PLEKHG4B: variants seen among roughly 807,000 people sequenced by gnomAD.
The protein encoded by PLEKHG4B is pleckstrin homology domain-containing family G member 4B.
In PLEKHG4B, 111 loss-of-function variants were observed where a neutral mutation model predicts 121.3. That is an observed-to-expected ratio of 0.92 (90% CI 0.78 to 1.07). The LOEUF (loss-of-function observed/expected upper bound fraction) is 1.07. Ranked by LOEUF, PLEKHG4B falls within the 50% of genes least tolerant of loss-of-function variation. PLEKHG4B has a pLI of 0.00. For missense variants in PLEKHG4B, 1,831 were observed against 1,757.8 expected, an observed-to-expected ratio of 1.04 and a Z score of -0.74; for synonymous variants, 738 against 725.0, an observed-to-expected ratio of 1.02 and a Z score of -0.29.
intron 7 of PLEKHG4B, among the ~76,000 whole-genome samples, chr5:154,275 A>C (rs978800957): frequency 2.6e-5 from 4 of 152,142 alleles, no homozygotes; most frequent in Admixed American, 2.6e-4. Context: ...AAGTGCTTGG[A>C]TTACAGGCAT....
chr5:174,128 A>G, intron 18 of PLEKHG4B, 30 bp downstream of exon 18: 3 of 1,412,106 alleles, frequency 2.1e-6, no homozygotes, highest in Non-Finnish European at 2.8e-6. Context: ...AGGGCCTGCC[A>G]GGCTCAGGGG....
chr5:135,301 A>G (rs1442104598), intron 2 of PLEKHG4B, among the ~76,000 whole-genome samples: 1 of 152,050 alleles, frequency 6.6e-6, no homozygotes, highest in African/African-American at 2.4e-5. Context: ...AATACAAAGC[A>G]TTGCTGAAAG....
At position 140,305 on chromosome 5, in the gene PLEKHG4B, T is replaced by C; in HGVS notation, c.1066T>C (p.Tyr356His). 3 of 1,495,186 alleles carry C rather than the reference T, an allele frequency of 2.0e-6. No homozygotes were observed. The highest frequency in any genetic ancestry group is 1.4e-5 in the South Asian group (1 of 73,250). The allele number at this position is 1,495,186 out of a possible 1,614,324, so 92.6% of individuals were successfully genotyped here. A position where few individuals can be genotyped will look rare whatever the true frequency, so the allele number is the denominator to read the frequency against. Residue 356 changes from tyrosine to histidine, a missense_variant, in exon 3 of 20, where the codon TAC becomes CAC. Coordinates refer to ENST00000637938, the MANE Select transcript of PLEKHG4B (RefSeq NM_052909.5). ...GCCTAGACGCTGGTTCAGGGAGTCG[T>C]ACATGGAAGCCTTGCGGAACCCCAT... ...VQPRRWFRES[Y>H]MEALRNPMPL...
At chr5:151,026 T>A (rs1163049374) in intron 6 of PLEKHG4B, among the ~76,000 whole-genome samples, 3 of 152,200 alleles carry the variant, frequency 2.0e-5, no homozygotes, top group Admixed American at 1.3e-4. Context: ...AAACCGTTGA[T>A]CTCCACAACA....
At chr5:114,764 G>A (rs569017813) in intron 2 of PLEKHG4B, among the ~76,000 whole-genome samples, 4 of 152,266 alleles carry the variant, frequency 2.6e-5, no homozygotes, top group East Asian at 1.9e-4. Flanking sequence ...TCCATAAGAA[G>A]CAATTCCTCA....
In PLEKHG4B at chr5:113,083, T is replaced by C. The variant is rs1734204767; in HGVS notation, c.46-168T>C. The stretch of plus-strand genomic sequence containing the variant: ...AAGGAGAACCACCAGGAGCTCGCCC[T>C]GCACCATGGATTCGCCTGCACATTT... On this transcript the variant is annotated intron_variant, in intron 1 of 19. Coordinates refer to ENST00000637938, the MANE Select transcript of PLEKHG4B (RefSeq NM_052909.5). The surrounding 1 kb of genome is among the most constrained non-coding windows in gnomAD (Gnocchi z 5.2). Among the ~76,000 whole-genome samples, 1 of 152,192 alleles carries C rather than the reference T, an allele frequency of 6.6e-6. No homozygotes were observed. Among genetic ancestry groups the C allele is most frequent in the African/African-American group, 2.4e-5 (1 of 41,450 alleles).
chr5:133,900 A>G (rs1734848408), intron 2 of PLEKHG4B, among the ~76,000 whole-genome samples: 1 of 146,456 alleles, frequency 6.8e-6, no homozygotes, highest in African/African-American at 2.7e-5. Flanking sequence ...AATCGAGTGG[A>G]TAAAGAAAAT....
Position 181,503 on chromosome 5 carries a change from TTCTG to T in PLEKHG4B, c.4403-7_4403-4del. On this transcript the variant is annotated splice_region_variant and splice_polypyrimidine_tract_variant and intron_variant, in intron 18 of 19. Transcript: ENST00000637938. ...TTGCTTTGGAAACTGTCATACTTTC[TTCTG>T]TCTTAGAACTCAGAATCCAAGAAAT... 6.2e-7 allele frequency: 1 copy of T among 1,611,588 alleles called. No homozygotes were observed. Among genetic ancestry groups the T allele is most frequent in the Non-Finnish European group, 8.5e-7 (1 of 1,178,660 alleles).
intron 6 of PLEKHG4B, among the ~76,000 whole-genome samples, chr5:146,050 C>T (rs1735398030): frequency 6.6e-6 from 1 of 151,572 alleles, no homozygotes; most frequent in African/African-American, 2.4e-5. Flanking sequence ...GGTCCTCCCT[C>T]CTCTCCCCCT....
chr5:171,189 T>C, intron 15 of PLEKHG4B, 25 bp from the exon 16 acceptor site: 1 of 1,604,130 alleles, frequency 6.2e-7, no homozygotes, highest in Non-Finnish European at 8.5e-7. Context: ...AGGCCGGAGC[T>C]GACCCTCTCA....
intron 2 of PLEKHG4B, among the ~76,000 whole-genome samples, chr5:115,049 T>A (rs1311953671): frequency 6.6e-6 from 1 of 152,240 alleles, no homozygotes; most frequent in Non-Finnish European, 1.5e-5. Context: ...TTTGCTGAGA[T>A]CCATCAGAGG....
At chr5:181,818 G>T in intron 19 of PLEKHG4B, 143 bp downstream of exon 19, 1 of 1,332,188 alleles carries the variant, frequency 7.5e-7, no homozygotes, top group Non-Finnish European at 1.0e-6. Flanking sequence ...GGGTACGGTG[G>T]CCTCGGCCCC....
intron 18 of PLEKHG4B, among the ~76,000 whole-genome samples, chr5:174,659 A>G (rs114689935): frequency 0.01 from 1,541 of 152,216 alleles, 24 homozygotes; most frequent in African/African-American, 0.031. Flanking sequence ...ACAGGATCAC[A>G]TCATTTTCTA....
At position 139,894 on chromosome 5, in the gene PLEKHG4B, C is replaced by T. The variant is rs151049655; in HGVS notation, c.655C>T (p.Arg219Trp). The T allele has an allele frequency of 1.9e-3, 775 of 403,046 alleles. 6 individuals carry two copies. The highest frequency in any genetic ancestry group is 2.0e-4 in the Non-Finnish European group (45 of 228,742). The allele number at this position is 403,046 out of a possible 1,614,324, so 25.0% of individuals were successfully genotyped here. A position where few individuals can be genotyped will look rare whatever the true frequency, so the allele number is the denominator to read the frequency against. Residue 219 changes from arginine to tryptophan, a missense_variant, in exon 3 of 20, where the codon CGG becomes TGG. Arg to Trp is a moderately radical substitution (Grantham distance 101, BLOSUM62 -3). Coordinates refer to ENST00000637938, the MANE Select transcript of PLEKHG4B (RefSeq NM_052909.5). This position sits in a 1 kb window ranked among gnomAD's most constrained non-coding sequence, Gnocchi z 5.0. Reference sequence around the variant, plus strand: ...CTACTCCAGCTGCACAGGTCCTGAGCGGCTGCCCAGCAGCCCCTCAGAGGC... The same window carrying T: ...CTACTCCAGCTGCACAGGTCCTGAGTGGCTGCCCAGCAGCCCCTCAGAGGC... Reference protein sequence around the residue: ...QSYSSCTGPERLPSSPSEAPV... With the variant: ...QSYSSCTGPEWLPSSPSEAPV...
intron 1 of PLEKHG4B, among the ~76,000 whole-genome samples, chr5:110,422 AAC>A (rs1212601557): frequency 4.7e-5 from 7 of 149,202 alleles, no homozygotes; most frequent in Non-Finnish European, 8.9e-5. Flanking sequence ...CACAATCTGC[AAC>A]ACACGTGCAC....
chr5:156,205 C>T lies in PLEKHG4B; in HGVS notation c.2343C>T (p.Asp781=). 4 of 1,523,350 alleles carry T rather than the reference C, an allele frequency of 2.6e-6. No individual in the cohort carries two copies. The highest frequency in any genetic ancestry group is 3.5e-6 in the Non-Finnish European group (4 of 1,131,684). The allele number at this position is 1,523,350 out of a possible 1,614,324, so 94.4% of individuals were successfully genotyped here. ...RLRREELGTE[D]SRDTLEAATS... is the part of the protein sequence containing the mutation. ...GGAGAGAAGAGCTTGGCACAGAAGACAGCCGGTGAGCGCTCACAGGGGTCA... is the reference window on the plus strand; with the variant it reads ...GGAGAGAAGAGCTTGGCACAGAAGATAGCCGGTGAGCGCTCACAGGGGTCA... The change falls in exon 10 of 20, where the codon GAC becomes GAT. Residue 781 remains aspartate (D), a synonymous_variant. Transcript: ENST00000637938. The surrounding 1 kb of genome is among the most constrained non-coding windows in gnomAD (Gnocchi z 4.4).
intron 1 of PLEKHG4B, among the ~76,000 whole-genome samples, chr5:110,245 A>G (rs1734104922): frequency 6.8e-6 from 1 of 146,448 alleles, no homozygotes; most frequent in Non-Finnish European, 1.5e-5. Context: ...GCCACTCTGC[A>G]ACACACATGC....
intron 2 of PLEKHG4B, among the ~76,000 whole-genome samples, chr5:134,930 C>T (rs1010850468): frequency 2.0e-5 from 3 of 151,936 alleles, no homozygotes; most frequent in Non-Finnish European, 4.4e-5. Flanking sequence ...TGGCTCATGC[C>T]TATAATCCCA....
At position 139,694 on chromosome 5, in the gene PLEKHG4B, A is replaced by G. The variant is rs1229912941; in HGVS notation, c.455A>G (p.Glu152Gly). The G allele has an allele frequency of 7.5e-6, 3 of 398,694 alleles. No homozygotes were observed. The highest frequency in any genetic ancestry group is 1.3e-5 in the Non-Finnish European group (3 of 226,098). 24.7% of individuals were successfully genotyped at this position (398,694 alleles called of 1,614,324 possible). ...GGCACAGAGGAAGTCACCGTCCCTG[A>G]GGCCATGTATGGCTGTGTCTTCACG... ...GRGTEEVTVP[E>G]AMYGCVFTGA... is the part of the protein sequence containing the mutation. Residue 152 changes from glutamate (E) to glycine (G), a missense_variant, in exon 3 of 20, where the codon GAG becomes GGG. By Grantham distance (98) the Glu-to-Gly change is moderately conservative (BLOSUM62 -2). Transcript: ENST00000637938. The surrounding 1 kb of genome is among the most constrained non-coding windows in gnomAD (Gnocchi z 5.0).
Sources: gnomAD v4.1 joint callset for allele counts (sites outside exome capture counted in the v4.1 genomes callset) on GRCh38, gnomAD v4.1.1 for gene constraint, Gnocchi (gnomAD v3.1) non-coding constraint, MANE v1.5 for transcripts, NCBI Gene and HGNC (gene_info 2026-07-23, HGNC 2026-07-21) for gene names.